SNX27: variants seen among roughly 807,000 people sequenced by gnomAD.
SNX27 encodes the protein sorting nexin-27.
A neutral mutation model predicts 71.6 loss-of-function variants in SNX27; 22 were observed. The ratio of observed to expected loss-of-function variants is 0.31; its 90% CI spans 0.22 to 0.44. SNX27 has a LOEUF of 0.44. Among genes scored for constraint, SNX27 ranks in the 20% least tolerant of loss-of-function variants. The probability of loss-of-function intolerance (pLI) is 1.00; values close to 1 mark genes in which losing one functional copy is unlikely to be tolerated. For missense variants in SNX27, 531 were observed against 698.6 expected (o/e 0.76, Z 2.70); for synonymous variants, 269 against 277.2 (o/e 0.97, Z 0.29).
At chr1:151,631,379 G>T (rs2102618982) in intron 1 of SNX27, among the ~76,000 whole-genome samples, 1 of 152,284 alleles carries the variant, frequency 6.6e-6, no homozygotes, top group East Asian at 1.9e-4. Context: ...TTGAGGAGAT[G>T]ATATAATAGC....
intron 7 of SNX27, among the ~76,000 whole-genome samples, chr1:151,670,278 T>C (rs1355095716): frequency 6.6e-6 from 1 of 152,244 alleles, no homozygotes; most frequent in South Asian, 2.1e-4. Flanking sequence ...TACCACATTT[T>C]CTTTATCCAT....
At chr1:151,690,063 G>A (rs1265988036) in intron 8 of SNX27, among the ~76,000 whole-genome samples, 1 of 152,142 alleles carries the variant, frequency 6.6e-6, no homozygotes, top group African/African-American at 2.4e-5. Flanking sequence ...TGGCCAGGCT[G>A]GTCTCGAACT....
chr1:151,616,296 G>A (rs942929872), intron 1 of SNX27, among the ~76,000 whole-genome samples: 1 of 152,130 alleles, frequency 6.6e-6, no homozygotes, highest in Non-Finnish European at 1.5e-5. Context: ...TTGATTTCTC[G>A]AGAGACGCTG....
intron 2 of SNX27, among the ~76,000 whole-genome samples, chr1:151,643,425 G>T (rs1052335686): frequency 3.3e-5 from 5 of 151,668 alleles, no homozygotes; most frequent in Non-Finnish European, 5.9e-5. Flanking sequence ...CTCCCCAGCA[G>T]CTGGGACTAC....
rs369947142 is a variant in SNX27 at position 151,683,342 on chromosome 1, T to C, written c.1150-14T>C. 5.6e-6 allele frequency: 9 copies of C among 1,600,526 alleles called. No individual in the cohort carries two copies. In the African/African-American group the frequency reaches 1.2e-4, roughly 22 times the overall value. On this transcript the variant is annotated splice_polypyrimidine_tract_variant and intron_variant, in intron 7 of 11. Transcript: ENST00000458013. ...TTTACACTCCTTTCTGCTCTACTTC[T>C]GTTTTGGTGATAGGCAGTCGATGAT...
chr1:151,681,403 C>T (rs996568502), intron 7 of SNX27, among the ~76,000 whole-genome samples: 4 of 151,686 alleles, frequency 2.6e-5, no homozygotes, highest in African/African-American at 4.8e-5. Flanking sequence ...CACCTCTCCC[C>T]GGCTAATTTT....
intron 2 of SNX27, among the ~76,000 whole-genome samples, chr1:151,649,972 C>T (rs1669248963): frequency 6.6e-6 from 1 of 152,104 alleles, no homozygotes; most frequent in Non-Finnish European, 1.5e-5. Context: ...GCTGCAACCT[C>T]CACCTCCCAG....
chr1:151,662,139 A>G, intron 4 of SNX27, 27 bp from the exon 5 acceptor site: 5 of 1,548,526 alleles, frequency 3.2e-6, no homozygotes, highest in Non-Finnish European at 4.5e-6. Flanking sequence ...TGGGCCATAA[A>G]TTATTTCTCT....
At chr1:151,655,205 C>A (rs1180820198) in intron 2 of SNX27, among the ~76,000 whole-genome samples, 2 of 151,688 alleles carry the variant, frequency 1.3e-5, no homozygotes, top group Non-Finnish European at 2.9e-5. Flanking sequence ...GTTTAGAGTA[C>A]CTTTTACTCT....
At chr1:151,663,158 T>TC (rs1294586610) in intron 5 of SNX27, among the ~76,000 whole-genome samples, 1 of 151,950 alleles carries the variant, frequency 6.6e-6, no homozygotes, top group Non-Finnish European at 1.5e-5. Flanking sequence ...TTTGATTTTT[T>TC]TTTTTTTTTT....
chr1:151,620,505 TTAACTTGTGTTTG>T (rs1667621061), intron 1 of SNX27, among the ~76,000 whole-genome samples: 2 of 134,028 alleles, frequency 1.5e-5, no homozygotes, highest in African/African-American at 5.4e-5. Flanking sequence ...CTGGTTGCCT[TTAACTTGTGTTTG>T]TATTTTATTT....
intron 8 of SNX27, among the ~76,000 whole-genome samples, chr1:151,684,602 A>G (rs540989165): frequency 6.6e-6 from 1 of 152,346 alleles, no homozygotes; most frequent in South Asian, 2.1e-4. Flanking sequence ...AGTTTTTTCA[A>G]TTATACATGC....
chr1:151,645,924 A>G (rs977074914), intron 2 of SNX27, among the ~76,000 whole-genome samples: 1 of 152,200 alleles, frequency 6.6e-6, no homozygotes, highest in African/African-American at 2.4e-5. Context: ...TCCAGAATTT[A>G]TAGTGGTTAC....
At chr1:151,659,099 G>A (rs565853611) in intron 3 of SNX27, among the ~76,000 whole-genome samples, 200 of 152,180 alleles carry the variant, frequency 1.3e-3, no homozygotes, top group African/African-American at 4.7e-3. Flanking sequence ...AATGATTCTT[G>A]GCTTACTGCT....
intron 8 of SNX27, among the ~76,000 whole-genome samples, chr1:151,690,320 T>C (rs185158593): frequency 1.5e-4 from 23 of 152,376 alleles, no homozygotes; most frequent in African/African-American, 5.5e-4. Context: ...TTACTGTCAC[T>C]GACTTGAAGC....
chr1:151,691,968 G>T (rs2102741369), intron 8 of SNX27, among the ~76,000 whole-genome samples: 1 of 152,252 alleles, frequency 6.6e-6, no homozygotes, highest in East Asian at 1.9e-4. Flanking sequence ...CGGTGGCTGA[G>T]GTGGGAGGAT....
intron 1 of SNX27, among the ~76,000 whole-genome samples, chr1:151,629,625 C>T (rs1668123641): frequency 6.8e-6 from 1 of 147,970 alleles, no homozygotes; most frequent in African/African-American, 2.5e-5. Flanking sequence ...ACTCTGTTGA[C>T]CAGGCTGGAG....
In SNX27 at chr1:151,615,824, C is replaced by G. The variant is rs1489958121; in HGVS notation, c.311+3312C>G. On this transcript the variant is annotated intron_variant, in intron 1 of 11. Transcript: ENST00000458013. Reference sequence around the variant, plus strand: ...ACAGTGGTGTGAAAGAACAGAGTAACTTTGAAATTTAAGGGCATACAAACT... The same window carrying G: ...ACAGTGGTGTGAAAGAACAGAGTAAGTTTGAAATTTAAGGGCATACAAACT... The G allele has an allele frequency of 3.0e-6, 3 of 984,918 alleles. No homozygotes were observed. The African/African-American group carries it at 5.2e-5, about 17-fold the overall frequency. The allele number at this position is 984,918 out of a possible 1,614,324, so 61.0% of individuals were successfully genotyped here.
chr1:151,661,078 C>T (rs1669949107), intron 4 of SNX27: 1 of 470,474 alleles, frequency 2.1e-6, no homozygotes, highest in Admixed American at 3.5e-5. Context: ...TGAAACCATC[C>T]CTGATGAGTT....
Sources: gnomAD v4.1 joint callset for allele counts (sites outside exome capture counted in the v4.1 genomes callset) on GRCh38, gnomAD v4.1.1 for gene constraint, MANE v1.5 for transcripts, NCBI Gene and HGNC (gene_info 2026-07-23, HGNC 2026-07-21) for gene names.